The following AK5 variants were observed in gnomAD, a reference collection of about 807,000 sequenced individuals.
AK5 encodes the protein adenylate kinase isoenzyme 5.
In AK5, 27 loss-of-function variants were observed where a neutral mutation model predicts 69.5. That is an observed-to-expected ratio of 0.39 (90% CI 0.29 to 0.54). The LOEUF is 0.54. AK5 is among the 20% of genes least tolerant of loss of function. AK5 has a pLI of 0.71. For synonymous variants in AK5, 260 were observed against 244.4 expected (o/e 1.06, Z -0.60); for missense variants, 531 against 700.4 (o/e 0.76, Z 2.73).
At chr1:77,539,614 G>A (rs1019949352) in intron 13 of AK5, among the ~76,000 whole-genome samples, 1 of 152,196 alleles carries the variant, frequency 6.6e-6, no homozygotes, top group African/African-American at 2.4e-5. Flanking sequence ...AGTAGCTAGG[G>A]TGACAAGAGC....
chr1:77,301,103 A>G (rs139938599), intron 5 of AK5, among the ~76,000 whole-genome samples: 2 of 152,280 alleles, frequency 1.3e-5, no homozygotes, highest in East Asian at 3.9e-4. Flanking sequence ...TAACACTTAA[A>G]TGGCTTTTAG....
At chr1:77,481,611 T>G (rs1655257146) in intron 8 of AK5, among the ~76,000 whole-genome samples, 1 of 152,184 alleles carries the variant, frequency 6.6e-6, no homozygotes, top group African/African-American at 2.4e-5. Context: ...AAGGGAGTGT[T>G]AATACAACCA....
chr1:77,536,011 C>T lies in AK5; in HGVS notation c.1593C>T (p.Tyr531=). The change falls in exon 13 of 14, where the codon TAC becomes TAT. Residue 531 remains tyrosine, a synonymous_variant. Coordinates refer to ENST00000354567, the MANE Select transcript of AK5 (RefSeq NM_174858.3). ...GAGCGTCCATCCCCGTGATCGCCTA[C>T]TACGAGACAAAAACACAGCTACACA... ...YYRASIPVIA[Y]YETKTQLHKI... The T allele has an allele frequency of 1.9e-6, 3 of 1,613,796 alleles. No individual in the cohort carries two copies. Among genetic ancestry groups the T allele is most frequent in the Non-Finnish European group, 2.5e-6 (3 of 1,179,972 alleles).
rs114891386 is a variant in AK5, at chr1:77,299,019, A to G, written c.699+1072A>G. Among the ~76,000 whole-genome samples the G allele has an allele frequency of 7.3e-3, 1,117 of 152,324 alleles. 16 individuals carry two copies. Among genetic ancestry groups the G allele is most frequent in the African/African-American group, 0.026 (1,062 of 41,564 alleles). On this transcript the variant is annotated intron_variant, in intron 5 of 13. Coordinates refer to ENST00000354567, the MANE Select transcript of AK5 (RefSeq NM_174858.3). ...TTTTTCTATACTTACATGCATACAT[A>G]CATGTATGGACACATGTGCACATGC...
chr1:77,367,586 ATGT>A (rs1482202963), intron 6 of AK5, among the ~76,000 whole-genome samples: 5 of 46,612 alleles, frequency 1.1e-4, no homozygotes, highest in South Asian at 1.1e-3. Flanking sequence ...TATAATATAT[ATGT>A]TATATATGTA....
intron 8 of AK5, among the ~76,000 whole-genome samples, chr1:77,453,595 G>C (rs1286127800): frequency 6.6e-6 from 1 of 151,982 alleles, no homozygotes; most frequent in Non-Finnish European, 1.5e-5. Flanking sequence ...CTGTTTTTTT[G>C]CTCCATTGTG....
intron 9 of AK5, among the ~76,000 whole-genome samples, chr1:77,484,878 A>C (rs560663019): frequency 7.9e-5 from 12 of 152,266 alleles, no homozygotes; most frequent in Non-Finnish European, 1.8e-4. Flanking sequence ...TAAAAACTAT[A>C]TACTTAATTT....
chr1:77,386,414 G>A (rs1455357038), intron 6 of AK5, among the ~76,000 whole-genome samples: 2 of 152,164 alleles, frequency 1.3e-5, no homozygotes, highest in Non-Finnish European at 2.9e-5. Context: ...AAAGAACCTT[G>A]TGATTACACA....
intron 5 of AK5, among the ~76,000 whole-genome samples, chr1:77,324,821 T>C (rs1660713470): frequency 6.6e-6 from 1 of 152,142 alleles, no homozygotes; most frequent in African/African-American, 2.4e-5. Context: ...CTTGATTTCA[T>C]GTATTCTGCA....
At chr1:77,542,196 A>C (rs114861579) in intron 13 of AK5, among the ~76,000 whole-genome samples, 4,156 of 152,148 alleles carry the variant, frequency 0.027, 95 homozygotes, top group African/African-American at 0.058. Flanking sequence ...GGTGGTGCGC[A>C]TATGTAATCC....
chr1:77,475,225 C>A (rs1164895451), intron 8 of AK5, among the ~76,000 whole-genome samples: 1 of 141,446 alleles, frequency 7.1e-6, no homozygotes, highest in Non-Finnish European at 1.5e-5. Context: ...ATTCTATATA[C>A]TCCATATATA....
At chr1:77,432,321 A>G (rs1651693712) in intron 8 of AK5, among the ~76,000 whole-genome samples, 1 of 152,128 alleles carries the variant, frequency 6.6e-6, no homozygotes, top group Non-Finnish European at 1.5e-5. Context: ...AAAGCGTTCT[A>G]GCCACATTTG....
chr1:77,396,643 A>G (rs1294922051), intron 6 of AK5, among the ~76,000 whole-genome samples: 1 of 152,232 alleles, frequency 6.6e-6, no homozygotes, highest in Non-Finnish European at 1.5e-5. Flanking sequence ...CCCTCAAGCT[A>G]AAAATAGGAA....
chr1:77,282,413 A>T lies in AK5; in HGVS notation c.60+40A>T, dbSNP rs774542727. On this transcript the variant is annotated intron_variant, in intron 1 of 13. Transcript: ENST00000354567. ...GGCCGACGGGCGGTAGCATCCGGGG[A>T]CTGCATCTCAGGGGTTCGGGTTGAG... is the stretch of plus-strand genomic sequence containing the variant. The T allele has an allele frequency of 1.3e-5, 20 of 1,529,846 alleles. No individual in the cohort carries two copies. The South Asian group carries it at 2.5e-4, about 19-fold the overall frequency. 94.8% of individuals were successfully genotyped at this position (1,529,846 alleles called of 1,614,324 possible).
At chr1:77,470,875 ATTTTTTT>A (rs149758544) in intron 8 of AK5, among the ~76,000 whole-genome samples, 2 of 74,970 alleles carry the variant, frequency 2.7e-5, no homozygotes, top group African/African-American at 1.3e-4. Flanking sequence ...ATATATATAT[ATTTTTTT>A]TTTTTTTTTT....
In AK5 at chr1:77,367,556, T is replaced by TATATATATATATG. The variant is rs1557532470; in HGVS notation, c.891+26988_891+26989insATATATATATATG. ...GTTGCCCAGACTCATTTATGTTATTTTTATATATATATATATATATATAAT... is the reference window on the plus strand; with the variant it reads ...GTTGCCCAGACTCATTTATGTTATTTATATATATATATGTTATATATATATATATATATATAAT... On this transcript the variant is annotated intron_variant, in intron 6 of 13. Coordinates refer to ENST00000354567, the MANE Select transcript of AK5 (RefSeq NM_174858.3). 3.6e-3 allele frequency among the ~76,000 whole-genome samples: 97 copies of TATATATATATATG among 26,806 alleles called. 6 individuals carry two copies. The highest frequency in any genetic ancestry group is 9.2e-3 in the African/African-American group (87 of 9,502). The allele number at this position is 26,806 out of a possible 152,430, so 17.6% of individuals were successfully genotyped here.
At chr1:77,449,670 G>C (rs764880993) in intron 8 of AK5, among the ~76,000 whole-genome samples, 5 of 152,094 alleles carry the variant, frequency 3.3e-5, no homozygotes, top group Non-Finnish European at 7.4e-5. Flanking sequence ...ATAAGGTTTG[G>C]CTATGTCCCC....
At chr1:77,439,104 T>C (rs1470528778) in intron 8 of AK5, among the ~76,000 whole-genome samples, 3 of 152,164 alleles carry the variant, frequency 2.0e-5, no homozygotes, top group African/African-American at 7.2e-5. Context: ...GACTTAGATC[T>C]CACTTCTGAC....
At chr1:77,384,059 A>G (rs1449638108) in intron 6 of AK5, among the ~76,000 whole-genome samples, 1 of 152,174 alleles carries the variant, frequency 6.6e-6, no homozygotes, top group Non-Finnish European at 1.5e-5. Context: ...ACATTTTTAA[A>G]AAAAGCCATA....
Sources: allele counts gnomAD v4.1 joint callset (sites outside exome capture counted in the v4.1 genomes callset), GRCh38; gene constraint gnomAD v4.1.1; transcripts MANE v1.5; gene names NCBI Gene and HGNC (gene_info 2026-07-23, HGNC 2026-07-21).